Variants in NOX4 observed in about 807,000 individuals in gnomAD.
NOX4 encodes kidney oxidase-1.
NOX4 carries 69 observed loss-of-function variants against 87.6 expected under a neutral mutation model. The ratio of observed to expected loss-of-function variants is 0.79; its 90% CI spans 0.65 to 0.96. The LOEUF is 0.96. Ranked by LOEUF, NOX4 falls within the 40% of genes least tolerant of loss-of-function variation. NOX4 has a pLI of 0.00. For synonymous variants in NOX4, 275 were observed against 238.2 expected, an observed-to-expected ratio of 1.15 and a Z score of -1.42; for missense variants, 680 against 681.5, an observed-to-expected ratio of 1.00 and a Z score of 0.02.
the NOX4 span, among the ~76,000 whole-genome samples, chr11:89,564,192 A>C: frequency 6.6e-6 from 1 of 152,202 alleles, no homozygotes; most frequent in East Asian, 1.9e-4. Context: ...ACAATGCTAT[A>C]AAGAACTACC....
Position 89,490,479 on chromosome 11 carries a change from G to T in NOX4, c.132C>A (p.His44Gln). 6.2e-7 allele frequency: 1 copy of T among 1,613,322 alleles called. No individual in the cohort carries two copies. Among genetic ancestry groups the T allele is most frequent in the Non-Finnish European group, 8.5e-7 (1 of 1,179,282 alleles). Residue 44 changes from histidine (H) to glutamine (Q), a missense_variant, in exon 2 of 18, where the codon CAC becomes CAA. Transcript: ENST00000263317. ...FLLYNQGPEY[H>Q]YLHQMLGLGL... The stretch of plus-strand genomic sequence containing the variant: ...TTACCCCCAACATCTGGTGGAGGTA[G>T]TGATACTCTGGCCCTTGGTTATACA...
intron 12 of NOX4, among the ~76,000 whole-genome samples, 155 bp downstream of exon 12, chr11:89,373,277 C>CAAAAAAAAAAAAAAAA (rs144113376): frequency 2.2e-4 from 13 of 59,076 alleles, no homozygotes; most frequent in Non-Finnish European, 3.9e-4. Context: ...ACTGTACAAG[C>CAAAAAAAAAAAAAAAA]AAAAAAAAAA....
Position 89,337,530 on chromosome 11 carries a change from A to G in NOX4, c.1447-15T>C. The G allele has an allele frequency of 6.2e-7, 1 of 1,610,482 alleles. No homozygotes were observed. The highest frequency in any genetic ancestry group is 8.5e-7 in the Non-Finnish European group (1 of 1,177,778). Reference sequence around the variant, plus strand: ...TCTTGCCAAAACTGAGAGGACAGAAAAAGGAATAGACTTATTACAATTCTG... The same window carrying G: ...TCTTGCCAAAACTGAGAGGACAGAAGAAGGAATAGACTTATTACAATTCTG... On this transcript the variant is annotated splice_polypyrimidine_tract_variant and intron_variant, in intron 15 of 17. Coordinates refer to ENST00000263317, the MANE Select transcript of NOX4 (RefSeq NM_016931.5).
At chr11:89,560,337 GC>G in the NOX4 span, among the ~76,000 whole-genome samples, 1 of 152,044 alleles carries the variant, frequency 6.6e-6, no homozygotes, top group Non-Finnish European at 1.5e-5. Context: ...TTGATTTTGG[GC>G]CTTTGATTCT....
chr11:89,442,251 A>G (rs973960399), intron 5 of NOX4, among the ~76,000 whole-genome samples: 9 of 150,304 alleles, frequency 6.0e-5, no homozygotes, highest in East Asian at 1.9e-4. Context: ...TTAGATTGGG[A>G]AAAAAAAACA....
intron 9 of NOX4, among the ~76,000 whole-genome samples, chr11:89,401,804 T>C (rs1299392663): frequency 6.6e-6 from 1 of 152,156 alleles, no homozygotes; most frequent in Admixed American, 6.6e-5. Flanking sequence ...CAAATAGTCA[T>C]TGCGAATATT....
chr11:89,555,901 C>T, the NOX4 span, among the ~76,000 whole-genome samples: 6 of 152,090 alleles, frequency 3.9e-5, no homozygotes, highest in African/African-American at 1.4e-4. Flanking sequence ...TTGGTTTATT[C>T]ATTCAAACCT....
intron 11 of NOX4, among the ~76,000 whole-genome samples, chr11:89,392,746 C>G (rs1439074903): frequency 6.6e-6 from 1 of 152,074 alleles, no homozygotes; most frequent in Non-Finnish European, 1.5e-5. Context: ...TAAAAGTAAT[C>G]AAATTCTCTT....
In NOX4 at chr11:89,424,885, A is replaced by G. The variant is rs143927927; in HGVS notation, c.549-2903T>C. ...GTAAAAAGAAAAGGTAAAATAAAAG[A>G]GATATCTGTCTCCATGATTCATTTA... is the stretch of plus-strand genomic sequence containing the variant. On this transcript the variant is annotated intron_variant, in intron 7 of 17. Transcript: ENST00000263317. Among the ~76,000 whole-genome samples, 168 of 152,244 alleles carry G rather than the reference A, an allele frequency of 1.1e-3. 2 individuals are homozygous for G. Among genetic ancestry groups the G allele is most frequent in the African/African-American group, 3.7e-3 (154 of 41,574 alleles).
Position 89,454,714 on chromosome 11 carries a change from C to T in NOX4, c.154-2819G>A, listed in dbSNP as rs764521. On this transcript the variant is annotated intron_variant, in intron 2 of 17. Coordinates refer to ENST00000263317, the MANE Select transcript of NOX4 (RefSeq NM_016931.5). ...AAAGCAGGAACAACAAAGATCTCAT[C>T]TACAGAAAGCTGACATAGTAAGGTA... Among the ~76,000 whole-genome samples, 610 of 152,218 alleles carry T rather than the reference C, an allele frequency of 4.0e-3. 5 individuals are homozygous for T. The highest frequency in any genetic ancestry group is 0.014 in the African/African-American group (577 of 41,552).
At chr11:89,500,388 C>A (rs1199813272), upstream of NOX4, among the ~76,000 whole-genome samples, 17 of 152,080 alleles carry the variant, frequency 1.1e-4, no homozygotes, top group Non-Finnish European at 8.8e-5. Context: ...AATTATTTGT[C>A]AACCAAATGT....
intron 7 of NOX4, among the ~76,000 whole-genome samples, chr11:89,429,954 A>C (rs1363485147): frequency 6.6e-5 from 10 of 152,240 alleles, no homozygotes; most frequent in Admixed American, 5.2e-4. Flanking sequence ...AAAAATCCTC[A>C]ATAAAATACT....
the NOX4 span, among the ~76,000 whole-genome samples, chr11:89,537,392 G>A: frequency 6.6e-6 from 1 of 150,726 alleles, no homozygotes; most frequent in Admixed American, 6.6e-5. Flanking sequence ...CATATCTACA[G>A]TTTTATGTAT....
intron 7 of NOX4, among the ~76,000 whole-genome samples, chr11:89,422,353 C>G (rs769531748): frequency 6.6e-6 from 1 of 152,000 alleles, no homozygotes; most frequent in Non-Finnish European, 1.5e-5. Context: ...CCAAAACAAC[C>G]AAAGCTCCTC....
At chr11:89,368,402 T>A (rs938243442) in intron 12 of NOX4, among the ~76,000 whole-genome samples, 4 of 152,080 alleles carry the variant, frequency 2.6e-5, no homozygotes, top group Non-Finnish European at 5.9e-5. Flanking sequence ...AATTTATTTA[T>A]CACAGTTCTA....
the NOX4 span, among the ~76,000 whole-genome samples, chr11:89,523,448 C>A: frequency 6.6e-6 from 1 of 152,152 alleles, no homozygotes; most frequent in African/African-American, 2.4e-5. Context: ...GGGTGAAAGG[C>A]TGGTACAGAA....
At chr11:89,344,885 A>G (rs1946149044) in intron 13 of NOX4, among the ~76,000 whole-genome samples, 1 of 152,094 alleles carries the variant, frequency 6.6e-6, no homozygotes, top group South Asian at 2.1e-4. Context: ...ATTACCAGTT[A>G]TTTTGGTGAG....
At chr11:89,539,091 G>A in the NOX4 span, among the ~76,000 whole-genome samples, 39 of 152,094 alleles carry the variant, frequency 2.6e-4, no homozygotes, top group African/African-American at 7.5e-4. Flanking sequence ...AAACTAAAGC[G>A]CCTGACACAT....
At chr11:89,432,042 T>C (rs1378705558) in intron 7 of NOX4, among the ~76,000 whole-genome samples, 6 of 152,116 alleles carry the variant, frequency 3.9e-5, no homozygotes, top group Admixed American at 3.9e-4. Flanking sequence ...TGAGTTCATG[T>C]CCTTTTTAGG....
Sources: gnomAD v4.1 joint callset for allele counts (sites outside exome capture counted in the v4.1 genomes callset) on GRCh38, gnomAD v4.1.1 for gene constraint, MANE v1.5 for transcripts, NCBI Gene and HGNC (gene_info 2026-07-23, HGNC 2026-07-21) for gene names.